Variants in OSBPL10 observed in about 807,000 individuals in gnomAD.
The protein encoded by OSBPL10 is oxysterol binding protein like 10.
OSBPL10 carries 49 observed loss-of-function variants against 81.7 expected under a neutral mutation model. The observed-to-expected ratio is 0.60, with a 90% CI of 0.48 to 0.76. The LOEUF is 0.76. Among genes scored for constraint, OSBPL10 ranks in the 30% least tolerant of loss-of-function variants. The pLI, the probability that OSBPL10 is intolerant of heterozygous loss-of-function variation, is 0.00. For synonymous variants in OSBPL10, 419 were observed against 383.6 expected, an observed-to-expected ratio of 1.09 and a Z score of -1.08; for missense variants, 923 against 987.8, an observed-to-expected ratio of 0.93 and a Z score of 0.88.
chr3:31,866,916 A>G (rs4425294), intron 3 of OSBPL10, among the ~76,000 whole-genome samples: 37,909 of 152,062 alleles, frequency 0.25, 4,883 homozygotes, highest in Non-Finnish European at 0.29. Flanking sequence ...AAACTCAGTA[A>G]CTTTTGCTGT....
chr3:31,921,865 C>A (rs1000767512), intron 1 of OSBPL10, among the ~76,000 whole-genome samples: 1 of 152,212 alleles, frequency 6.6e-6, no homozygotes, highest in African/African-American at 2.4e-5. Flanking sequence ...AATTACAAAT[C>A]ATGTTGATAG....
intron 4 of OSBPL10, among the ~76,000 whole-genome samples, chr3:31,808,289 C>G (rs1003168909): frequency 6.6e-6 from 1 of 152,148 alleles, no homozygotes; most frequent in African/African-American, 2.4e-5. Context: ...CCATCCAGGC[C>G]TGGGGCAAGG....
At chr3:32,053,250 T>C (rs982026720) in intron 1 of OSBPL10, among the ~76,000 whole-genome samples, 9 of 152,210 alleles carry the variant, frequency 5.9e-5, no homozygotes, top group African/African-American at 2.2e-4. Flanking sequence ...GTCCTTTTGG[T>C]AAAAGGTTAT....
At position 32,063,128 on chromosome 3, in the gene OSBPL10, G is replaced by A. The variant is rs548418975; in HGVS notation, n.185+14268C>T. On this transcript the variant is annotated intron_variant and non_coding_transcript_variant, in intron 1 of 3. Transcript: ENST00000479173. ...AATTGCAGTCCTGAATCATTTCTGG[G>A]TTCAACTTTGTCTCTTGGTAGCTGA... 3.6e-3 allele frequency among the ~76,000 whole-genome samples: 332 copies of A among 93,468 alleles called. 71 individuals are homozygous for A. Among genetic ancestry groups the A allele is most frequent in the Middle Eastern group, 0.016 (3 of 190 alleles). The allele number at this position is 93,468 out of a possible 152,430, so 61.3% of individuals were successfully genotyped here.
At chr3:31,946,228 C>T (rs1338380943) in intron 1 of OSBPL10, among the ~76,000 whole-genome samples, 1 of 152,002 alleles carries the variant, frequency 6.6e-6, no homozygotes, top group Non-Finnish European at 1.5e-5. Flanking sequence ...GATCCACCCC[C>T]CTCAGCCTCC....
chr3:31,794,281 A>T (rs1484611501), intron 4 of OSBPL10, among the ~76,000 whole-genome samples: 2 of 152,170 alleles, frequency 1.3e-5, no homozygotes, highest in Non-Finnish European at 2.9e-5. Context: ...AGCAGCTGGG[A>T]TTACAGGCGC....
chr3:31,943,001 C>T (rs1697581290), intron 1 of OSBPL10, among the ~76,000 whole-genome samples: 1 of 152,220 alleles, frequency 6.6e-6, no homozygotes, highest in Admixed American at 6.5e-5. Context: ...CAATCAATAA[C>T]TCCCCATTCC....
At chr3:31,972,375 C>T (rs574952811) in intron 1 of OSBPL10, among the ~76,000 whole-genome samples, 4 of 152,236 alleles carry the variant, frequency 2.6e-5, no homozygotes, top group East Asian at 1.9e-4. Context: ...GGTGACACAG[C>T]GAGACTCTGT....
intron 1 of OSBPL10, among the ~76,000 whole-genome samples, chr3:31,920,601 A>G (rs1696886396): frequency 6.6e-6 from 1 of 152,174 alleles, no homozygotes; most frequent in Admixed American, 6.5e-5. Flanking sequence ...TGGATGGTAG[A>G]TGGTAGAGGC....
At chr3:31,863,097 A>G (rs1701097554) in intron 3 of OSBPL10, among the ~76,000 whole-genome samples, 1 of 152,258 alleles carries the variant, frequency 6.6e-6, no homozygotes, top group African/African-American at 2.4e-5. Context: ...GGAATGAAGT[A>G]CTGATTTATG....
At chr3:32,018,148 CAATAAATA>C (rs199908017) in intron 2 of OSBPL10, among the ~76,000 whole-genome samples, 29,559 of 141,782 alleles carry the variant, frequency 0.21, 3,338 homozygotes, top group South Asian at 0.28. Flanking sequence ...AACTCCATCT[CAATAAATA>C]AATAAATAAA....
In OSBPL10 at chr3:31,683,957, T is replaced by C; in HGVS notation, c.1403A>G (p.Glu468Gly). Reference sequence around the variant, plus strand: ...CTTGGCTAAAGCGCCCTTGCGGCCCTCGTGAAAGGCTGTGAGATAATACTC... The same window carrying C: ...CTTGGCTAAAGCGCCCTTGCGGCCCCCGTGAAAGGCTGTGAGATAATACTC... The part of the protein sequence containing the change: ...FVEYYLTAFH[E>G]GRKGALAKKP... Residue 468 changes from glutamate (E) to glycine (G), a missense_variant, in exon 8 of 12, where the codon GAG (glutamate) becomes GGG (glycine). This residue lies in a region of OSBPL10 where 387 missense variants were observed against 436.3 expected (regional missense o/e 0.89). Coordinates refer to ENST00000396556, the MANE Select transcript of OSBPL10 (RefSeq NM_017784.5). The C allele has an allele frequency of 6.2e-7, 1 of 1,614,266 alleles. No homozygotes were observed. The highest frequency in any genetic ancestry group is 1.3e-5 in the African/African-American group (1 of 75,062).
At chr3:32,023,422 T>C (rs1244756432) in intron 2 of OSBPL10, among the ~76,000 whole-genome samples, 2 of 152,196 alleles carry the variant, frequency 1.3e-5, no homozygotes, top group East Asian at 3.9e-4. Flanking sequence ...CATGTGAAAC[T>C]GTGAGTCCAT....
intron 4 of OSBPL10, among the ~76,000 whole-genome samples, chr3:31,752,382 G>A (rs545152364): frequency 1.7e-3 from 259 of 152,156 alleles, no homozygotes; most frequent in Middle Eastern, 6.8e-3. Flanking sequence ...TGTAACATGG[G>A]CACAAAAACA....
chr3:31,681,912 C>T (rs1183864085), intron 8 of OSBPL10, among the ~76,000 whole-genome samples: 7 of 152,158 alleles, frequency 4.6e-5, no homozygotes, highest in Non-Finnish European at 1.5e-5. Context: ...AACAACCGCC[C>T]TGAGCTCCCA....
intron 1 of OSBPL10, among the ~76,000 whole-genome samples, chr3:32,059,140 A>T (rs1699735683): frequency 6.6e-6 from 1 of 152,010 alleles, no homozygotes; most frequent in African/African-American, 2.4e-5. Flanking sequence ...CTACAAAAAT[A>T]CAAAAATTAG....
intron 1 of OSBPL10, among the ~76,000 whole-genome samples, chr3:31,934,357 G>C (rs767940272): frequency 6.0e-5 from 9 of 149,762 alleles, no homozygotes; most frequent in Non-Finnish European, 1.2e-4. Context: ...CAAAGGAAAA[G>C]CCCAAAATTT....
intron 3 of OSBPL10, among the ~76,000 whole-genome samples, chr3:31,853,735 A>G (rs1044505589): frequency 3.3e-5 from 5 of 152,312 alleles, no homozygotes; most frequent in Non-Finnish European, 7.3e-5. Flanking sequence ...TTCAGGAAGC[A>G]CCTGCACGTT....
intron 1 of OSBPL10, among the ~76,000 whole-genome samples, chr3:31,955,566 C>T (rs1043721281): frequency 1.6e-4 from 24 of 152,182 alleles, no homozygotes; most frequent in African/African-American, 4.8e-4. Flanking sequence ...GACTCCCTGT[C>T]GCTTCATTCT....
Sources: allele counts gnomAD v4.1 joint callset (sites outside exome capture counted in the v4.1 genomes callset), GRCh38; gene constraint gnomAD v4.1.1; regional missense constraint gnomAD v4.1.1; transcripts MANE v1.5; gene names NCBI Gene and HGNC (gene_info 2026-07-23, HGNC 2026-07-21).